Variants in MDFIC2 observed in about 807,000 individuals in gnomAD.
MDFIC2 encodes the protein myoD family inhibitor domain-containing protein 2.
chr3:70,312,016 A>G, intron 1 of MDFIC2, 43 bp from the exon 2 acceptor site: 1 of 397,312 alleles, frequency 2.5e-6, no homozygotes, highest in Non-Finnish European at 4.4e-6. Flanking sequence ...TTCATTAAGA[A>G]CCCAAATTTA....
chr3:70,290,112 T>G (rs1454618476), intron 2 of MDFIC2, among the ~76,000 whole-genome samples: 1 of 152,240 alleles, frequency 6.6e-6, no homozygotes, highest in South Asian at 2.1e-4. Context: ...AGGAGCTGCG[T>G]TCCTTTGTAG....
intron 2 of MDFIC2, among the ~76,000 whole-genome samples, chr3:70,298,407 T>C (rs1272570778): frequency 6.6e-6 from 1 of 152,138 alleles, no homozygotes; most frequent in Non-Finnish European, 1.5e-5. Context: ...GATATTAAAA[T>C]GATTAATCCT....
At chr3:70,267,339 C>A (rs1368450929) in intron 2 of MDFIC2, among the ~76,000 whole-genome samples, 5 of 150,818 alleles carry the variant, frequency 3.3e-5, no homozygotes, top group Non-Finnish European at 7.4e-5. Flanking sequence ...TTCCATGAGA[C>A]CTACCTTTAC....
chr3:70,243,943 A>C (rs1450392677), intron 2 of MDFIC2, among the ~76,000 whole-genome samples: 1 of 152,136 alleles, frequency 6.6e-6, no homozygotes, highest in Non-Finnish European at 1.5e-5. Context: ...GGTAAGGGTC[A>C]CCTTTTAACT....
chr3:70,305,090 G>T (rs1341644459), intron 2 of MDFIC2, among the ~76,000 whole-genome samples: 3 of 151,990 alleles, frequency 2.0e-5, no homozygotes, highest in Non-Finnish European at 4.4e-5. Flanking sequence ...GATTCTAAAG[G>T]ATAGTCCTCA....
At chr3:70,272,232 AT>A (rs1331534692) in intron 2 of MDFIC2, 1 of 152,236 alleles carries the variant, frequency 6.6e-6, no homozygotes, top group Non-Finnish European at 1.5e-5. Context: ...CACAATTAAA[AT>A]GAAAAATATT....
chr3:70,263,795 G>T (rs1464190911), intron 2 of MDFIC2, among the ~76,000 whole-genome samples: 1 of 151,942 alleles, frequency 6.6e-6, no homozygotes, highest in Non-Finnish European at 1.5e-5. Context: ...CTCCATCTGG[G>T]TTCCCGTTGC....
intron 2 of MDFIC2, among the ~76,000 whole-genome samples, chr3:70,274,386 T>A (rs7434025): frequency 0.95 from 144,382 of 152,170 alleles, 68,593 homozygotes; most frequent in Non-Finnish European, 0.97. Context: ...AGAATGAGTA[T>A]GTGATAGAAA....
At chr3:70,226,011 C>T (rs1559539508) in intron 2 of MDFIC2, among the ~76,000 whole-genome samples, 1 of 152,066 alleles carries the variant, frequency 6.6e-6, no homozygotes, top group Non-Finnish European at 1.5e-5. Flanking sequence ...CAATTCCTCT[C>T]TATATTGAAG....
At chr3:70,247,128 A>G (rs1701715103) in intron 2 of MDFIC2, among the ~76,000 whole-genome samples, 1 of 152,016 alleles carries the variant, frequency 6.6e-6, no homozygotes, top group Admixed American at 6.6e-5. Flanking sequence ...TGTTGCTTGA[A>G]TGAATTTATT....
At chr3:70,213,707 T>A (rs57064469) in intron 2 of MDFIC2, among the ~76,000 whole-genome samples, 106 of 152,224 alleles carry the variant, frequency 7.0e-4, no homozygotes, top group African/African-American at 2.5e-3. Flanking sequence ...GTGATTTTTG[T>A]TGTTAAAATG....
chr3:70,290,662 G>C (rs552567925), intron 2 of MDFIC2, among the ~76,000 whole-genome samples: 73 of 152,238 alleles, frequency 4.8e-4, no homozygotes, highest in African/African-American at 1.7e-3. Context: ...CCCTAGCCTC[G>C]CTGCCGCCTT....
chr3:70,211,832 T>C (rs1701353325), intron 2 of MDFIC2, among the ~76,000 whole-genome samples: 1 of 149,364 alleles, frequency 6.7e-6, no homozygotes, highest in Non-Finnish European at 1.5e-5. Flanking sequence ...CCCTTTTTCC[T>C]TTTTCCTTTT....
chr3:70,209,357 T>C (rs1701320345), intron 2 of MDFIC2, among the ~76,000 whole-genome samples: 1 of 152,060 alleles, frequency 6.6e-6, no homozygotes, highest in Non-Finnish European at 1.5e-5. Context: ...TCACTGTGGT[T>C]GAAAAGCACT....
At chr3:70,263,266 A>G (rs950825184) in intron 2 of MDFIC2, among the ~76,000 whole-genome samples, 2 of 151,922 alleles carry the variant, frequency 1.3e-5, no homozygotes, top group African/African-American at 4.8e-5. Context: ...TATAAATTTT[A>G]TGTTATCGAG....
In MDFIC2 at chr3:70,290,264, G is replaced by T. The variant is rs921085441; in HGVS notation, c.88+21622C>A. On this transcript the variant is annotated intron_variant, in intron 2 of 3. Coordinates refer to ENST00000567252, the MANE Select transcript of MDFIC2 (RefSeq NM_001364677.1). ...GTGTGGATGTCCTTTCTGTTTGTTA[G>T]TTTTCCTTCTAACAGACGGGACTCT... 9.7e-4 allele frequency among the ~76,000 whole-genome samples: 147 copies of T among 152,320 alleles called. 1 individual carries two copies. The highest frequency in any genetic ancestry group is 3.3e-3 in the African/African-American group (139 of 41,564).
intron 2 of MDFIC2, chr3:70,272,254 C>A: frequency 6.6e-6 from 1 of 152,330 alleles, no homozygotes; most frequent in Non-Finnish European, 1.5e-5. Flanking sequence ...TCTATCTCCC[C>A]AAGATGCTCC....
chr3:70,212,945 C>A (rs1701365480), intron 2 of MDFIC2, among the ~76,000 whole-genome samples: 1 of 151,882 alleles, frequency 6.6e-6, no homozygotes, highest in African/African-American at 2.4e-5. Context: ...AGGCGTGCAC[C>A]AACACAGCAA....
At chr3:70,262,418 G>A (rs1265992497) in intron 2 of MDFIC2, among the ~76,000 whole-genome samples, 4 of 152,088 alleles carry the variant, frequency 2.6e-5, no homozygotes, top group East Asian at 1.9e-4. Context: ...TAAAAGATGC[G>A]GATGCATTCT....
Sources: gnomAD v4.1 joint callset for allele counts (sites outside exome capture counted in the v4.1 genomes callset) on GRCh38, gnomAD v4.1.1 for gene constraint, MANE v1.5 for transcripts, NCBI Gene and HGNC (gene_info 2026-07-23, HGNC 2026-07-21) for gene names.